SH3RF3: variants seen among roughly 807,000 people sequenced by gnomAD.
The protein encoded by SH3RF3 is E3 ubiquitin-protein ligase SH3RF3.
A neutral mutation model predicts 66.3 loss-of-function variants in SH3RF3; 29 were observed. The observed-to-expected ratio is 0.44, with a 90% confidence interval of 0.33 to 0.60. The LOEUF (loss-of-function observed/expected upper bound fraction) is 0.60. Among genes scored for constraint, SH3RF3 ranks in the 20% least tolerant of loss-of-function variants. The pLI is 0.04. For missense variants in SH3RF3, 1,194 were observed against 1,190.9 expected (o/e 1.00, Z -0.04); for synonymous variants, 583 against 532.0 (o/e 1.10, Z -1.32).
chr2:109,137,939 C>T (rs552922111), intron 1 of SH3RF3, among the ~76,000 whole-genome samples: 5 of 152,324 alleles, frequency 3.3e-5, no homozygotes, highest in African/African-American at 9.6e-5. Context: ...CAGGCCAGGC[C>T]GACTTCTGGA....
chr2:109,142,070 A>G (rs1244814568), intron 1 of SH3RF3, among the ~76,000 whole-genome samples: 1 of 149,702 alleles, frequency 6.7e-6, no homozygotes, highest in African/African-American at 2.5e-5. Context: ...GTATGTGCCT[A>G]GAACTTCTGC....
At position 109,437,053 on chromosome 2, in the gene SH3RF3, G is replaced by A. The variant is rs1205386553; in HGVS notation, c.1735G>A (p.Ala579Thr). ...GCCCATCACCACTCCCCAGGCCCAC[G>A]CCCAGCACCCCACAGCCTCGCCCCC... ...ALPITTPQAH[A>T]QHPTASPPTG... Residue 579 changes from alanine (A) to threonine (T), a missense_variant, in exon 7 of 10, where the codon GCC becomes ACC. Physicochemically the swap from Ala to Thr is moderately conservative, Grantham distance 58. Transcript: ENST00000309415. 2.5e-6 allele frequency: 4 copies of A among 1,613,610 alleles called. No homozygotes were observed. The highest frequency in any genetic ancestry group is 1.1e-5 in the South Asian group (1 of 91,080).
intron 9 of SH3RF3, among the ~76,000 whole-genome samples, chr2:109,499,964 G>A (rs952306216): frequency 6.6e-6 from 1 of 152,164 alleles, no homozygotes; most frequent in Non-Finnish European, 1.5e-5. Flanking sequence ...GGCAGCGAGT[G>A]GGGGCTCAGG....
chr2:109,324,201 C>T (rs1682095686), intron 1 of SH3RF3, among the ~76,000 whole-genome samples: 1 of 152,170 alleles, frequency 6.6e-6, no homozygotes, highest in Non-Finnish European at 1.5e-5. Flanking sequence ...TTGCTTATAC[C>T]ATTAATCAGT....
chr2:109,328,977 C>T (rs542601895), intron 1 of SH3RF3, among the ~76,000 whole-genome samples: 61 of 152,304 alleles, frequency 4.0e-4, no homozygotes, highest in African/African-American at 1.3e-3. Flanking sequence ...CTTCCTCCCA[C>T]GTCCTGGTGG....
chr2:109,302,552 A>T (rs1309920823), intron 1 of SH3RF3, among the ~76,000 whole-genome samples: 1 of 152,248 alleles, frequency 6.6e-6, no homozygotes, highest in Non-Finnish European at 1.5e-5. Context: ...GGACCAGGCC[A>T]GAGACCCTGT....
At chr2:109,469,519 T>G (rs1230518938) in intron 8 of SH3RF3, among the ~76,000 whole-genome samples, 1 of 152,136 alleles carries the variant, frequency 6.6e-6, no homozygotes, top group South Asian at 2.1e-4. Flanking sequence ...CCTAATTTCA[T>G]CAAAGCACAA....
intron 4 of SH3RF3, among the ~76,000 whole-genome samples, chr2:109,406,309 T>G (rs111644461): frequency 0.011 from 1,610 of 152,292 alleles, 37 homozygotes; most frequent in African/African-American, 0.037. Context: ...GGGAAATGAT[T>G]GCTTACATTT....
chr2:109,402,874 G>A (rs1261409110), intron 4 of SH3RF3, among the ~76,000 whole-genome samples: 2 of 152,162 alleles, frequency 1.3e-5, no homozygotes, highest in Non-Finnish European at 2.9e-5. Flanking sequence ...ACGTTGCACT[G>A]GGTTCTGTAG....
chr2:109,186,453 G>A (rs887088923), intron 1 of SH3RF3, among the ~76,000 whole-genome samples: 4 of 152,250 alleles, frequency 2.6e-5, no homozygotes, highest in Admixed American at 6.5e-5. Context: ...CTTCACCGCC[G>A]TGCTGGACCA....
At chr2:109,405,287 A>G (rs549044336) in intron 4 of SH3RF3, among the ~76,000 whole-genome samples, 3 of 152,062 alleles carry the variant, frequency 2.0e-5, no homozygotes, top group Non-Finnish European at 4.4e-5. Context: ...TCTGTTCCTC[A>G]AGGAGTCACC....
intron 1 of SH3RF3, among the ~76,000 whole-genome samples, chr2:109,248,033 A>C (rs770831100): frequency 2.5e-4 from 38 of 152,182 alleles, no homozygotes; most frequent in Non-Finnish European, 4.1e-4. Flanking sequence ...TCTAGAGGCA[A>C]CCTTGGATGG....
intron 8 of SH3RF3, among the ~76,000 whole-genome samples, chr2:109,465,395 G>A (rs1479310704): frequency 6.6e-6 from 1 of 152,226 alleles, no homozygotes; most frequent in Admixed American, 6.5e-5. Context: ...AGTTTTGTAA[G>A]AAACTGCCAA....
At chr2:109,284,493 T>C (rs1680978155) in intron 1 of SH3RF3, among the ~76,000 whole-genome samples, 2 of 152,118 alleles carry the variant, frequency 1.3e-5, no homozygotes, top group Non-Finnish European at 2.9e-5. Flanking sequence ...CCCATCACTC[T>C]CCTCTCGTCC....
chr2:109,364,108 C>T (rs1683109505), intron 2 of SH3RF3, among the ~76,000 whole-genome samples: 1 of 151,716 alleles, frequency 6.6e-6, no homozygotes, highest in Non-Finnish European at 1.5e-5. Context: ...TATAATTGCC[C>T]CACAATTCTT....
Position 109,347,780 on chromosome 2 carries a change from T to C in SH3RF3, c.680T>C (p.Val227Ala). 2.5e-6 allele frequency: 4 copies of C among 1,613,910 alleles called. No individual in the cohort carries two copies. The highest frequency in any genetic ancestry group is 3.4e-6 in the Non-Finnish European group (4 of 1,179,846). The change falls in exon 2 of 10, where the codon GTG becomes GCG. Residue 227 changes from valine (V) to alanine (A), a missense_variant. Physicochemically the swap from Val to Ala is moderately conservative, Grantham distance 64. Transcript: ENST00000309415. ...GACATCATCGTCCTGCGGCGCAAGG[T>C]GGATGAACAGTGGTACCACGGCGAG... Reference protein sequence around the residue: ...KGDIIVLRRKVDEQWYHGELH... With the variant: ...KGDIIVLRRKADEQWYHGELH...
rs1053484962 is a variant in SH3RF3, at chr2:109,271,080, C to T, written c.574-76594C>T. On this transcript the variant is annotated intron_variant, in intron 1 of 9. Coordinates refer to ENST00000309415, the MANE Select transcript of SH3RF3 (RefSeq NM_001099289.3). ...GTCTAAGGCGGAGTCAGTGTTGATC[C>T]ATTCCACCCCAGCTCAAGCACCCAG... Among the ~76,000 whole-genome samples, 11 of 152,098 alleles carry T rather than the reference C, an allele frequency of 7.2e-5. No homozygotes were observed. The East Asian group carries it at 1.9e-3, about 27-fold the overall frequency.
intron 2 of SH3RF3, among the ~76,000 whole-genome samples, chr2:109,358,410 T>C (rs1017051635): frequency 6.6e-6 from 1 of 152,242 alleles, no homozygotes; most frequent in Non-Finnish European, 1.5e-5. Flanking sequence ...TTTGGATAAA[T>C]ACTAAGGAGT....
intron 1 of SH3RF3, among the ~76,000 whole-genome samples, chr2:109,192,632 A>G: frequency 6.6e-6 from 1 of 152,208 alleles, no homozygotes; most frequent in East Asian, 1.9e-4. Flanking sequence ...AAGTAAATAT[A>G]CAGAAGGTAA....
Sources: allele counts gnomAD v4.1 joint callset (sites outside exome capture counted in the v4.1 genomes callset), GRCh38; gene constraint gnomAD v4.1.1; transcripts MANE v1.5; gene names NCBI Gene and HGNC (gene_info 2026-07-23, HGNC 2026-07-21).